Variants in MIEN1 observed in about 807,000 individuals in gnomAD.
MIEN1 encodes the protein HBV X-transactivated gene 4 protein.
A neutral mutation model predicts 15.5 loss-of-function variants in MIEN1; 12 were observed. That is an observed-to-expected ratio of 0.78 (90% CI 0.50 to 1.26). MIEN1 has a LOEUF of 1.26. Ranked by LOEUF, MIEN1 falls within the 50% of genes most tolerant of loss-of-function variation. MIEN1 has a pLI of 0.00. For missense variants in MIEN1, 160 were observed against 151.7 expected (o/e 1.05, Z -0.29); for synonymous variants, 63 against 62.8 (o/e 1.00, Z -0.02).
rs757433694 is a variant in MIEN1 at position 39,729,657 on chromosome 17, AG to A, written c.264+27del. On this transcript the variant is annotated intron_variant, in intron 3 of 3. Transcript: ENST00000394231. ...GCACTGTTGGGGTAGGGTGACCAAG[AG>A]GTCCTCCCAACGCTGTAAATACTCA... 85 of 1,614,168 alleles carry A rather than the reference AG, an allele frequency of 5.3e-5. 1 individual carries two copies. In the East Asian group the frequency reaches 1.9e-3, roughly 36 times the overall value.
Position 39,729,102 on chromosome 17 carries a change from T to C in MIEN1, c.*420A>G, listed in dbSNP as rs1017584363. On this transcript the variant is annotated 3_prime_UTR_variant, in exon 4 of 4. Coordinates refer to ENST00000394231, the MANE Select transcript of MIEN1 (RefSeq NM_032339.5). ...GTGCAAAGGCTGGGCTGACCGGACT[T>C]CTGTGCCCCCCACATTCCCAGACTG... is the stretch of plus-strand genomic sequence containing the variant. The C allele has an allele frequency of 4.9e-6, 1 of 202,388 alleles. No homozygotes were observed. Among genetic ancestry groups the C allele is most frequent in the African/African-American group, 2.3e-5 (1 of 42,806 alleles). 12.5% of individuals were successfully genotyped at this position (202,388 alleles called of 1,614,324 possible). A position where few individuals can be genotyped will look rare whatever the true frequency, so the allele number is the denominator to read the frequency against.
In MIEN1 at chr17:39,730,454, G is replaced by C. The variant is rs774496010; in HGVS notation, c.42C>G (p.Pro14=). The change falls in exon 1 of 4, where the codon CCC becomes CCG. Residue 14 remains proline, a synonymous_variant. Coordinates refer to ENST00000394231, the MANE Select transcript of MIEN1 (RefSeq NM_032339.5). ...EPGQTSVAPP[P]EEVEPGSGVR... is the part of the protein sequence containing the mutation. ...CCCCACTGCCCGGCTCGACCTCCTC[G>C]GGAGGGGGCGCTACGGACGTCTGCC... 3.2e-6 allele frequency: 5 copies of C among 1,547,676 alleles called. No individual in the cohort carries two copies. The East Asian group carries it at 7.3e-5, about 23-fold the overall frequency.
At chr17:39,729,834 C>T in intron 2 of MIEN1, 73 bp from the exon 3 acceptor site, 2 of 1,590,582 alleles carry the variant, frequency 1.3e-6, no homozygotes, top group South Asian at 1.1e-5. Flanking sequence ...CAAAGGGGTC[C>T]CCCGCCTTCA....
In MIEN1 at chr17:39,730,430, C is replaced by A. The variant is rs1318194136; in HGVS notation, c.66G>T (p.Gly22=). The A allele has an allele frequency of 2.6e-6, 4 of 1,552,630 alleles. No homozygotes were observed. Among genetic ancestry groups the A allele is most frequent in the South Asian group, 2.4e-5 (2 of 84,416 alleles). Residue 22 remains glycine (G), a synonymous_variant, in exon 1 of 4, where the codon GGG becomes GGT. Transcript: ENST00000394231. Reference sequence around the variant, plus strand: ...ACCAGTACTCCACCACGATGCGGACCCCACTGCCCGGCTCGACCTCCTCGG... The same window carrying A: ...ACCAGTACTCCACCACGATGCGGACACCACTGCCCGGCTCGACCTCCTCGG... ...PPPEEVEPGS[G]VRIVVEYCEP... is the part of the protein sequence containing the mutation.
chr17:39,730,412 C>G lies in MIEN1; in HGVS notation c.84G>C (p.Glu28Asp). ...CTCCAGCCGGGGCCGCTCACCAGTA[C>G]TCCACCACGATGCGGACCCCACTGC... is the stretch of plus-strand genomic sequence containing the variant. ...EPGSGVRIVV[E>D]YCEPCGFEAT... Residue 28 changes from glutamate (E) to aspartate (D), a missense_variant, in exon 1 of 4, where the codon GAG (glutamate) becomes GAC (aspartate). By Grantham distance (45) the Glu-to-Asp change is conservative. Transcript: ENST00000394231. 2.6e-6 allele frequency: 4 copies of G among 1,554,154 alleles called. No homozygotes were observed. Among genetic ancestry groups the G allele is most frequent in the Non-Finnish European group, 3.5e-6 (4 of 1,150,046 alleles).
In MIEN1 at chr17:39,728,613, T is replaced by G; in HGVS notation, c.*909A>C. Reference sequence around the variant, plus strand: ...ATGGGGAGGCAAGTGTGGGGGGTCCTTCTCCACACCCACTTTGTCCATTTG... The same window carrying G: ...ATGGGGAGGCAAGTGTGGGGGGTCCGTCTCCACACCCACTTTGTCCATTTG... On this transcript the variant is annotated 3_prime_UTR_variant, in exon 4 of 4. Coordinates refer to ENST00000394231, the MANE Select transcript of MIEN1 (RefSeq NM_032339.5). The G allele has an allele frequency of 4.3e-6, 1 of 233,412 alleles. No homozygotes were observed. The highest frequency in any genetic ancestry group is 1.3e-3 in the Middle Eastern group (1 of 786). The allele number at this position is 233,412 out of a possible 1,614,324, so 14.5% of individuals were successfully genotyped here.
chr17:39,730,109 T>A (rs1597895935), intron 2 of MIEN1, 85 bp downstream of exon 2: 3 of 1,327,704 alleles, frequency 2.3e-6, no homozygotes, highest in Non-Finnish European at 3.1e-6. Flanking sequence ...GCACTTTACA[T>A]AAAGCAGCCA....
chr17:39,729,538 G>A lies in MIEN1; in HGVS notation c.332C>T (p.Pro111Leu). 6.2e-7 allele frequency: 1 copy of A among 1,613,880 alleles called. No homozygotes were observed. Residue 111 changes from proline to leucine, a missense_variant, in exon 4 of 4, where the codon CCC becomes CTC. Coordinates refer to ENST00000394231, the MANE Select transcript of MIEN1 (RefSeq NM_032339.5). Reference protein sequence around the residue: ...TLEKITNSRPPCVIL With the variant: ...TLEKITNSRPLCVIL ...CCTGTGCAGTCACAGGATGACGCAG[G>A]GAGGACGGCTGTTGGTGATCTTTTC... is the stretch of plus-strand genomic sequence containing the variant.
chr17:39,730,382 G>A (rs747852107), intron 1 of MIEN1, 25 bp downstream of exon 1: 2 of 1,553,364 alleles, frequency 1.3e-6, no homozygotes, highest in Admixed American at 2.0e-5. Context: ...ACCAGGGTGC[G>A]GGTCCTCCAG....
Position 39,729,327 on chromosome 17 carries a change from G to A in MIEN1, c.*195C>T. 1.5e-6 allele frequency: 1 copy of A among 653,186 alleles called. No individual in the cohort carries two copies. Among genetic ancestry groups the A allele is most frequent in the Non-Finnish European group, 2.6e-6 (1 of 379,042 alleles). 40.5% of individuals were successfully genotyped at this position (653,186 alleles called of 1,614,324 possible). A position where few individuals can be genotyped will look rare whatever the true frequency, so the allele number is the denominator to read the frequency against. On this transcript the variant is annotated 3_prime_UTR_variant, in exon 4 of 4. Transcript: ENST00000394231. Reference sequence around the variant, plus strand: ...TGAGGTGGCTGGAGAAGTGTTCATGGAGAGTGTCTCTCTCCTGCCCCCAAG... The same window carrying A: ...TGAGGTGGCTGGAGAAGTGTTCATGAAGAGTGTCTCTCTCCTGCCCCCAAG...
chr17:39,729,565 A>T lies in MIEN1; in HGVS notation c.305T>A (p.Leu102Gln), dbSNP rs2059921598. The change falls in exon 4 of 4, where the codon CTA becomes CAA. Residue 102 changes from leucine to glutamine, a missense_variant. Leu to Gln is a moderately radical substitution (Grantham distance 113, BLOSUM62 -2). Transcript: ENST00000394231. The stretch of plus-strand genomic sequence containing the variant: ...AGGACGGCTGTTGGTGATCTTTTCT[A>T]GGGTTTCTCCATTACTGGCTCTTCG... ...AIRRASNGETLEKITNSRPPC... is the reference protein window; with the variant it reads ...AIRRASNGETQEKITNSRPPC... The T allele has an allele frequency of 6.2e-7, 1 of 1,614,000 alleles. No homozygotes were observed. Among genetic ancestry groups the T allele is most frequent in the South Asian group, 1.1e-5 (1 of 91,084 alleles).
chr17:39,730,157 G>A (rs1204270497), intron 2 of MIEN1, 37 bp downstream of exon 2: 1 of 1,558,342 alleles, frequency 6.4e-7, no homozygotes, highest in Non-Finnish European at 8.7e-7. Flanking sequence ...GGGATTCAGA[G>A]CACAGACTGA....
chr17:39,730,378 G>A (rs2059932075), intron 1 of MIEN1, 29 bp downstream of exon 1: 2 of 1,554,068 alleles, frequency 1.3e-6, no homozygotes, highest in African/African-American at 1.4e-5. Flanking sequence ...CGGGACCAGG[G>A]TGCGGGTCCT....
chr17:39,729,832 T>C, intron 2 of MIEN1, 71 bp from the exon 3 acceptor site: 2 of 1,590,062 alleles, frequency 1.3e-6, no homozygotes, highest in Non-Finnish European at 1.7e-6. Flanking sequence ...TCCAAAGGGG[T>C]CCCCCGCCTT....
At position 39,730,174 on chromosome 17, in the gene MIEN1, A is replaced by C; in HGVS notation, c.187+20T>G. The C allele has an allele frequency of 6.3e-7, 1 of 1,587,556 alleles. No homozygotes were observed. Among genetic ancestry groups the C allele is most frequent in the Non-Finnish European group, 8.5e-7 (1 of 1,170,292 alleles). ...GATTCAGAGCACAGACTGACCCAGC[A>C]GGTGTTCTGCGAGCCTCACCTGTGC... On this transcript the variant is annotated intron_variant, in intron 2 of 3. Coordinates refer to ENST00000394231, the MANE Select transcript of MIEN1 (RefSeq NM_032339.5).
At chr17:39,729,919 G>T in intron 2 of MIEN1, 158 bp from the exon 3 acceptor site, 2 of 943,370 alleles carry the variant, frequency 2.1e-6, no homozygotes, top group Non-Finnish European at 3.2e-6. Context: ...CAACTCCAGG[G>T]AACCTGAGGG....
At position 39,729,565 on chromosome 17, in the gene MIEN1, A is replaced by G. The variant is rs2059921598; in HGVS notation, c.305T>C (p.Leu102Pro). Residue 102 changes from leucine to proline, a missense_variant, in exon 4 of 4, where the codon CTA becomes CCA. Physicochemically the swap from Leu to Pro is moderately conservative, Grantham distance 98. Coordinates refer to ENST00000394231, the MANE Select transcript of MIEN1 (RefSeq NM_032339.5). ...AIRRASNGET[L>P]EKITNSRPPC... is the part of the protein sequence containing the mutation. ...AGGACGGCTGTTGGTGATCTTTTCT[A>G]GGGTTTCTCCATTACTGGCTCTTCG... The G allele has an allele frequency of 6.2e-7, 1 of 1,614,000 alleles. No homozygotes were observed. The highest frequency in any genetic ancestry group is 1.1e-5 in the South Asian group (1 of 91,084).
Position 39,728,939 on chromosome 17 carries a change from G to A in MIEN1, c.*583C>T. 5.7e-6 allele frequency: 1 copy of A among 175,854 alleles called. No homozygotes were observed. Among genetic ancestry groups the A allele is most frequent in the Non-Finnish European group, 1.2e-5 (1 of 81,668 alleles). The allele number at this position is 175,854 out of a possible 1,614,324, so 10.9% of individuals were successfully genotyped here. On this transcript the variant is annotated 3_prime_UTR_variant, in exon 4 of 4. Coordinates refer to ENST00000394231, the MANE Select transcript of MIEN1 (RefSeq NM_032339.5). ...TTTCCTCCTTGTGAGTGAGGAGAGT[G>A]GTGGGTAGGGTGGGGGAAAGACGAG...
At chr17:39,730,338 C>A in intron 1 of MIEN1, 47 bp from the exon 2 acceptor site, 1 of 1,566,136 alleles carries the variant, frequency 6.4e-7, no homozygotes. Context: ...GGGGGTGGGG[C>A]CTCCCGTGGA....
Sources: allele counts gnomAD v4.1 joint callset, GRCh38; gene constraint gnomAD v4.1.1; transcripts MANE v1.5; gene names NCBI Gene and HGNC (gene_info 2026-07-23, HGNC 2026-07-21).